Variants in TRIM2 observed in about 807,000 individuals in gnomAD.
TRIM2 encodes the protein tripartite motif-containing protein 2.
TRIM2 carries 20 observed loss-of-function variants against 75.2 expected under a neutral mutation model. The ratio of observed to expected loss-of-function variants is 0.27; its 90% CI spans 0.19 to 0.39. TRIM2 has a LOEUF of 0.39. Among genes scored for constraint, TRIM2 ranks in the 10% least tolerant of loss-of-function variants. TRIM2 has a pLI of 1.00. For synonymous variants in TRIM2, 373 were observed against 388.3 expected (o/e 0.96, Z 0.46); for missense variants, 660 against 990.8 (o/e 0.67, Z 4.48).
intron 1 of TRIM2, among the ~76,000 whole-genome samples, chr4:153,233,226 G>A (rs1289279641): frequency 2.0e-5 from 3 of 152,162 alleles, no homozygotes; most frequent in Non-Finnish European, 4.4e-5. Flanking sequence ...TCCAGTAGAA[G>A]GTGGGAGGAG....
intron 1 of TRIM2, among the ~76,000 whole-genome samples, chr4:153,161,873 T>C (rs11099873): frequency 6.6e-6 from 1 of 151,962 alleles, no homozygotes; most frequent in Admixed American, 6.6e-5. Flanking sequence ...TTAGGGAACA[T>C]AAAGTTGCAA....
In TRIM2 at chr4:153,231,146, A is replaced by C. The variant is rs191035919; in HGVS notation, c.30+26586A>C. On this transcript the variant is annotated intron_variant, in intron 1 of 11. Transcript: ENST00000338700. ...ATACAAGAATTGTGGGAAGCTCTAG[A>C]AGAAAGGATGTTTTGTTGAGAAAAC... Among the ~76,000 whole-genome samples, 132 of 152,290 alleles carry C rather than the reference A, an allele frequency of 8.7e-4. 1 individual carries two copies. Among genetic ancestry groups the C allele is most frequent in the Admixed American group, 8.4e-3 (128 of 15,296 alleles).
At chr4:153,244,348 CTT>C (rs1748040896) in intron 1 of TRIM2, among the ~76,000 whole-genome samples, 2 of 35,326 alleles carry the variant, frequency 5.7e-5, no homozygotes, top group Non-Finnish European at 9.0e-5. Context: ...TCTTCTTCTT[CTT>C]CTTCCTCTTC....
intron 2 of TRIM2, among the ~76,000 whole-genome samples, chr4:153,275,641 T>G (rs1295789579): frequency 6.6e-6 from 1 of 152,216 alleles, no homozygotes; most frequent in Non-Finnish European, 1.5e-5. Flanking sequence ...TGGACCACAC[T>G]TTGTGTGCCA....
intron 1 of TRIM2, among the ~76,000 whole-genome samples, chr4:153,168,456 T>G (rs971814083): frequency 6.6e-6 from 1 of 152,182 alleles, no homozygotes; most frequent in Non-Finnish European, 1.5e-5. Flanking sequence ...TTTATTGCTT[T>G]GGAACTAGAG....
intron 1 of TRIM2, among the ~76,000 whole-genome samples, chr4:153,197,868 C>T (rs1733938609): frequency 2.0e-5 from 3 of 152,028 alleles, no homozygotes; most frequent in Admixed American, 1.3e-4. Context: ...AGCGAAACTC[C>T]GTCTCAAAAA....
At chr4:153,332,101 G>A (rs1771601458) in intron 11 of TRIM2, among the ~76,000 whole-genome samples, 1 of 152,140 alleles carries the variant, frequency 6.6e-6, no homozygotes, top group Non-Finnish European at 1.5e-5. Context: ...GGGACCTAGG[G>A]CTCCATGAAG....
At chr4:153,269,623 C>CA (rs559025375) in intron 1 of TRIM2, among the ~76,000 whole-genome samples, 2 of 152,072 alleles carry the variant, frequency 1.3e-5, no homozygotes, top group Non-Finnish European at 2.9e-5. Flanking sequence ...TATTCAATTT[C>CA]AATAAGAATA....
At chr4:153,265,328 T>C (rs1754679885) in intron 1 of TRIM2, among the ~76,000 whole-genome samples, 2 of 142,270 alleles carry the variant, frequency 1.4e-5, no homozygotes, top group African/African-American at 2.8e-5. Flanking sequence ...TGTTTTGTTT[T>C]GTTTTTTGTG....
In TRIM2 at chr4:153,322,763, G is replaced by C; in HGVS notation, c.1898G>C (p.Gly633Ala). 1.2e-6 allele frequency: 2 copies of C among 1,614,178 alleles called. No individual in the cohort carries two copies. Among genetic ancestry groups the C allele is most frequent in the Non-Finnish European group, 1.7e-6 (2 of 1,180,020 alleles). ...ACCVFIFQPN[G>A]KIVTRFGSRG... Reference sequence around the variant, plus strand: ...TGCGTGTTTATCTTCCAGCCAAACGGGAAAATAGTCACCAGGTTTGGTAGC... The same window carrying C: ...TGCGTGTTTATCTTCCAGCCAAACGCGAAAATAGTCACCAGGTTTGGTAGC... Residue 633 changes from glycine (G) to alanine (A), a missense_variant, in exon 9 of 12, where the codon GGG (glycine) becomes GCG (alanine). Physicochemically the swap from Gly to Ala is moderately conservative, Grantham distance 60. Coordinates refer to ENST00000338700, the MANE Select transcript of TRIM2 (RefSeq NM_015271.5).
rs1772398470 is a variant in TRIM2 at position 153,335,971 on chromosome 4, C to A, written c.*1005C>A. The A allele has an allele frequency of 1.0e-6, 1 of 985,684 alleles. No individual in the cohort carries two copies. The highest frequency in any genetic ancestry group is 1.7e-5 in the African/African-American group (1 of 57,200). The allele number at this position is 985,684 out of a possible 1,614,324, so 61.1% of individuals were successfully genotyped here. Reference sequence around the variant, plus strand: ...AAAGGCATGTGATTGATTAATGATTCCCCCTTAGAAAGCAAGTGTTACCAA... The same window carrying A: ...AAAGGCATGTGATTGATTAATGATTACCCCTTAGAAAGCAAGTGTTACCAA... On this transcript the variant is annotated 3_prime_UTR_variant, in exon 12 of 12. Transcript: ENST00000338700.
At chr4:153,317,522 A>G (rs1287197495) in intron 8 of TRIM2, among the ~76,000 whole-genome samples, 2 of 151,674 alleles carry the variant, frequency 1.3e-5, no homozygotes, top group African/African-American at 2.4e-5. Flanking sequence ...GGTGGCGTGC[A>G]CCTGTAGTCC....
chr4:153,257,629 CTT>C, intron 1 of TRIM2: 9 of 1,271,058 alleles, frequency 7.1e-6, no homozygotes, highest in Non-Finnish European at 9.3e-6. Flanking sequence ...TAACCAGTCT[CTT>C]TGCATGGTGC....
intron 1 of TRIM2, among the ~76,000 whole-genome samples, chr4:153,221,523 C>T (rs140426278): frequency 1.8e-4 from 28 of 152,340 alleles, no homozygotes; most frequent in Middle Eastern, 3.4e-3. Flanking sequence ...TCTGTCCATA[C>T]ACTTCTATCA....
At chr4:153,174,726 C>T (rs1185036885) in intron 1 of TRIM2, among the ~76,000 whole-genome samples, 2 of 152,206 alleles carry the variant, frequency 1.3e-5, no homozygotes, top group Non-Finnish European at 2.9e-5. Flanking sequence ...GAAGAATAAA[C>T]TCAGTGACGC....
chr4:153,262,239 CT>C (rs1753761624), intron 1 of TRIM2, among the ~76,000 whole-genome samples: 1 of 152,108 alleles, frequency 6.6e-6, no homozygotes, highest in African/African-American at 2.4e-5. Flanking sequence ...GAAGACTGGA[CT>C]TTATTACTCA....
At chr4:153,245,471 G>A (rs1246003475) in intron 1 of TRIM2, among the ~76,000 whole-genome samples, 2 of 152,252 alleles carry the variant, frequency 1.3e-5, no homozygotes, top group Non-Finnish European at 2.9e-5. Context: ...ACTATGGCCT[G>A]TGAGCCAAAT....
At chr4:153,280,926 T>G (rs1326807873) in intron 3 of TRIM2, among the ~76,000 whole-genome samples, 3 of 151,926 alleles carry the variant, frequency 2.0e-5, no homozygotes, top group African/African-American at 7.3e-5. Flanking sequence ...CCTCGTGATC[T>G]GCCCGCCTCG....
chr4:153,170,335 AAAC>A (rs1730719685), intron 1 of TRIM2, among the ~76,000 whole-genome samples: 1 of 152,202 alleles, frequency 6.6e-6, no homozygotes, highest in South Asian at 2.1e-4. Context: ...ATATGTTTTT[AAAC>A]TAATCAATAT....
Sources: allele counts gnomAD v4.1 joint callset (sites outside exome capture counted in the v4.1 genomes callset), GRCh38; gene constraint gnomAD v4.1.1; transcripts MANE v1.5; gene names NCBI Gene and HGNC (gene_info 2026-07-23, HGNC 2026-07-21).